The following HYDIN variants were observed in gnomAD, a reference collection of about 807,000 sequenced individuals.
The protein encoded by HYDIN is axonemal central pair apparatus protein HYDIN.
In HYDIN, 132 loss-of-function variants were observed where a neutral mutation model predicts 403.9. The observed-to-expected ratio is 0.33, with a 90% confidence interval of 0.28 to 0.38. The LOEUF is 0.38. Among genes scored for constraint, HYDIN ranks in the 10% least tolerant of loss-of-function variants. The pLI is 1.00. For missense variants in HYDIN, 2,827 were observed against 5,009.5 expected, an observed-to-expected ratio of 0.56 and a Z score of 13.15; for synonymous variants, 1,202 against 1,891.7, an observed-to-expected ratio of 0.64 and a Z score of 9.46.
chr16:71,225,921 T>C (rs534352734), intron 1 of HYDIN, among the ~76,000 whole-genome samples: 17 of 152,320 alleles, frequency 1.1e-4, no homozygotes, highest in African/African-American at 3.8e-4. Flanking sequence ...TAAAGAGGAC[T>C]AAATCAAAGG....
intron 45 of HYDIN, among the ~76,000 whole-genome samples, chr16:70,925,313 C>G (rs1447284607): frequency 1.3e-5 from 2 of 152,246 alleles, no homozygotes; most frequent in Non-Finnish European, 2.9e-5. Context: ...AGACCCCTAT[C>G]TTTAAAAAAA....
At chr16:71,203,799 C>T (rs764600) in intron 1 of HYDIN, 165,542 of 455,378 alleles carry the variant, frequency 0.36, 31,855 homozygotes, top group East Asian at 0.58. Context: ...GAACAGATAA[C>T]AGAAAATAGT....
At chr16:71,122,638 C>CG (rs1277708760) in intron 9 of HYDIN, among the ~76,000 whole-genome samples, 1 of 98,378 alleles carries the variant, frequency 1.0e-5, no homozygotes, top group Non-Finnish European at 2.0e-5. Flanking sequence ...ATGCTATGCC[C>CG]GCTTGGGAAA....
At chr16:70,984,557 C>T (rs1489704254) in intron 28 of HYDIN, among the ~76,000 whole-genome samples, 1 of 150,652 alleles carries the variant, frequency 6.6e-6, no homozygotes, top group African/African-American at 2.5e-5. Flanking sequence ...AATAAAGAGA[C>T]CAGCAGTAAA....
At chr16:71,012,788 A>G (rs202240848) in intron 23 of HYDIN, among the ~76,000 whole-genome samples, 2 of 149,906 alleles carry the variant, frequency 1.3e-5, no homozygotes, top group Non-Finnish European at 3.0e-5. Flanking sequence ...AGCCACTTTT[A>G]TGTGGTTTAT....
chr16:70,927,207 T>C (rs1185319815), intron 45 of HYDIN, among the ~76,000 whole-genome samples: 1 of 137,916 alleles, frequency 7.3e-6, no homozygotes, highest in African/African-American at 2.7e-5. Flanking sequence ...ACTCGACATC[T>C]TAAAGGTGTT....
chr16:70,822,028 T>G (rs1312130599), intron 83 of HYDIN, among the ~76,000 whole-genome samples: 10 of 152,252 alleles, frequency 6.6e-5, no homozygotes, highest in African/African-American at 2.4e-4. Context: ...ACACAACATC[T>G]ACTCTGCAGC....
intron 1 of HYDIN, among the ~76,000 whole-genome samples, chr16:71,229,253 T>C (rs536241516): frequency 6.6e-6 from 1 of 152,026 alleles, no homozygotes; most frequent in African/African-American, 2.4e-5. Context: ...CATGTATACA[T>C]ATGTAACAAA....
chr16:71,019,549 G>T (rs1407100303), intron 22 of HYDIN, among the ~76,000 whole-genome samples: 7 of 152,300 alleles, frequency 4.6e-5, no homozygotes, highest in African/African-American at 7.2e-5. Flanking sequence ...CACCCTTGTA[G>T]ATCATGGCAT....
At chr16:71,191,648 T>C (rs1187064142) in intron 1 of HYDIN, among the ~76,000 whole-genome samples, 1 of 152,144 alleles carries the variant, frequency 6.6e-6, no homozygotes, top group Admixed American at 6.5e-5. Flanking sequence ...CTGGGCCCCT[T>C]AGACCACCTC....
intron 4 of HYDIN, among the ~76,000 whole-genome samples, chr16:71,178,309 C>T (rs532855577): frequency 1.3e-5 from 2 of 151,376 alleles, no homozygotes; most frequent in Non-Finnish European, 2.9e-5. Context: ...GTCCCAGCTA[C>T]TGGGGAGGCT....
intron 47 of HYDIN, among the ~76,000 whole-genome samples, chr16:70,916,401 A>G (rs547253385): frequency 2.1e-3 from 327 of 152,098 alleles, no homozygotes; most frequent in Middle Eastern, 6.8e-3. Context: ...TCTCCTTTAA[A>G]CTAGACCTTC....
chr16:70,810,641 C>A (rs1248587603), intron 84 of HYDIN, among the ~76,000 whole-genome samples: 1 of 151,892 alleles, frequency 6.6e-6, no homozygotes, highest in Admixed American at 6.6e-5. Context: ...ACCAGGCTGA[C>A]CAACATGGTG....
intron 53 of HYDIN, among the ~76,000 whole-genome samples, chr16:70,898,609 T>TC: frequency 6.6e-6 from 1 of 151,984 alleles, no homozygotes; most frequent in South Asian, 2.1e-4. Context: ...AATTCTGAGC[T>TC]CAACCCAAAG....
At chr16:71,230,197 A>G (rs1239111958) in intron 1 of HYDIN, among the ~76,000 whole-genome samples, 1 of 152,204 alleles carries the variant, frequency 6.6e-6, no homozygotes, top group Non-Finnish European at 1.5e-5. Flanking sequence ...ACAGAACTTT[A>G]TATTTTCAAA....
At chr16:71,010,289 T>C (rs2080038241) in intron 23 of HYDIN, among the ~76,000 whole-genome samples, 1 of 152,252 alleles carries the variant, frequency 6.6e-6, no homozygotes, top group East Asian at 1.9e-4. Context: ...ACGCAAATAC[T>C]TGAGCTCACA....
At chr16:70,820,981 TA>T (rs2036222026) in intron 83 of HYDIN, among the ~76,000 whole-genome samples, 1 of 151,516 alleles carries the variant, frequency 6.6e-6, no homozygotes, top group Non-Finnish European at 1.5e-5. Flanking sequence ...GCTCCAGAGC[TA>T]AAAATGAATC....
At chr16:71,199,926 C>G (rs749307121) in intron 1 of HYDIN, among the ~76,000 whole-genome samples, 9 of 152,126 alleles carry the variant, frequency 5.9e-5, no homozygotes, top group Non-Finnish European at 1.2e-4. Context: ...CATTCTCAGA[C>G]AGTTAAGGCA....
At position 71,146,183 on chromosome 16, in the gene HYDIN, T is replaced by A. The variant is rs1440101989; in HGVS notation, c.841+6476A>T. Among the ~76,000 whole-genome samples the A allele has an allele frequency of 2.0e-5, 3 of 152,168 alleles. No individual in the cohort carries two copies. The East Asian group carries it at 5.8e-4, about 29-fold the overall frequency. On this transcript the variant is annotated intron_variant, in intron 7 of 85. Transcript: ENST00000393567. ...ATTTACTATTTTTACCAACAATTATTTTAACAAGAGTAAAAGGGTTGACTA... is the reference window on the plus strand; with the variant it reads ...ATTTACTATTTTTACCAACAATTATATTAACAAGAGTAAAAGGGTTGACTA...
Sources: allele counts gnomAD v4.1 joint callset (sites outside exome capture counted in the v4.1 genomes callset), GRCh38; gene constraint gnomAD v4.1.1; transcripts MANE v1.5; gene names NCBI Gene and HGNC (gene_info 2026-07-23, HGNC 2026-07-21).